RCOR1: variants seen among roughly 807,000 people sequenced by gnomAD.
RCOR1 encodes REST corepressor 1.
Under a neutral mutation model 64.0 loss-of-function variants are expected in RCOR1, and 12 were observed. The observed-to-expected ratio is 0.19, with a 90% CI of 0.12 to 0.30. RCOR1 has a LOEUF of 0.30. RCOR1 is among the 10% of genes least tolerant of loss of function. RCOR1 has a pLI of 1.00. For synonymous variants in RCOR1, 279 were observed against 227.2 expected, an observed-to-expected ratio of 1.23 and a Z score of -2.05; for missense variants, 502 against 621.2, an observed-to-expected ratio of 0.81 and a Z score of 2.04.
chr14:102,658,558 C>T, intron 2 of RCOR1: 5 of 985,370 alleles, frequency 5.1e-6, no homozygotes, highest in Non-Finnish European at 6.0e-6. Flanking sequence ...TGACTCTTTT[C>T]TCAGGAACAG....
In RCOR1 at chr14:102,599,802, TGTTTTG is replaced by T. The variant is rs1595188479; in HGVS notation, c.361+6478_361+6483del. 2.8e-5 allele frequency among the ~76,000 whole-genome samples: 3 copies of T among 108,728 alleles called. No homozygotes were observed. In the South Asian group the frequency reaches 1.1e-3, roughly 39 times the overall value. 71.3% of individuals were successfully genotyped at this position (108,728 alleles called of 152,430 possible). On this transcript the variant is annotated intron_variant, in intron 2 of 11. Transcript: ENST00000262241. ...TGGTGAATGCTTTGTGGTTTTGTTT[TGTTTTG>T]TTTTTTTTTTTTGAAACAAGGTCTT... is the stretch of plus-strand genomic sequence containing the variant.
intron 6 of RCOR1, 92 bp downstream of exon 6, chr14:102,708,675 C>T (rs1181857779): frequency 4.2e-6 from 3 of 708,308 alleles, no homozygotes; most frequent in African/African-American, 1.8e-5. Flanking sequence ...CTGGTTTTCC[C>T]TCCGCGCCTT....
intron 2 of RCOR1, among the ~76,000 whole-genome samples, chr14:102,676,450 G>A (rs1390237814): frequency 3.0e-5 from 3 of 98,724 alleles, no homozygotes; most frequent in African/African-American, 4.6e-5. Context: ...GGACGGGGCG[G>A]CCGGCCGGGC....
chr14:102,662,395 G>A (rs551757473), intron 2 of RCOR1: 69 of 563,004 alleles, frequency 1.2e-4, no homozygotes, highest in African/African-American at 1.1e-3. Flanking sequence ...TCTGGTGCCT[G>A]TTGGCTTTAA....
chr14:102,606,509 T>TAA (rs1265778231), intron 2 of RCOR1, among the ~76,000 whole-genome samples: 1 of 152,172 alleles, frequency 6.6e-6, no homozygotes, highest in Non-Finnish European at 1.5e-5. Flanking sequence ...AGTAGGTGCT[T>TAA]AACTAGTTTT....
chr14:102,692,440 A>AACACACACACACACACACACAC (rs10622844), intron 3 of RCOR1, among the ~76,000 whole-genome samples: 3 of 146,244 alleles, frequency 2.1e-5, no homozygotes, highest in Admixed American at 6.9e-5. Flanking sequence ...GGAAAAAGTT[A>AACACACACACACACACACACAC]ACACACACAC....
chr14:102,708,480 A>G lies in RCOR1; in HGVS notation c.676A>G (p.Ile226Val), dbSNP rs886637077. ...RIQQMLPDKS[I>V]ASLVKFYYSW... is the part of the protein sequence containing the mutation. ...TTATGTTTAGCTTCCAGATAAATCT[A>G]TAGCAAGTCTGGTGAAATTTTACTA... Residue 226 changes from isoleucine (I) to valine (V), a missense_variant, in exon 6 of 12, where the codon ATA becomes GTA. Physicochemically the swap from Ile to Val is conservative, Grantham distance 29 (BLOSUM62 3). This residue lies in a region of RCOR1 where 260 missense variants were observed against 416.4 expected (regional missense o/e 0.62). Coordinates refer to ENST00000262241, the MANE Select transcript of RCOR1 (RefSeq NM_015156.4). 3 of 1,551,702 alleles carry G rather than the reference A, an allele frequency of 1.9e-6. No individual in the cohort carries two copies. The highest frequency in any genetic ancestry group is 1.4e-5 in the African/African-American group (1 of 73,664).
chr14:102,632,564 T>C (rs1013715179), intron 2 of RCOR1, among the ~76,000 whole-genome samples: 6 of 151,932 alleles, frequency 3.9e-5, no homozygotes, highest in South Asian at 2.1e-4. Context: ...TTTTCTTTTT[T>C]CCCCCCTGCA....
intron 3 of RCOR1, among the ~76,000 whole-genome samples, chr14:102,692,768 CTTTTT>C (rs538053987): frequency 8.9e-6 from 1 of 111,928 alleles, no homozygotes; most frequent in South Asian, 2.8e-4. Context: ...TTTTCTTTTT[CTTTTT>C]TTTTTTTTTT....
rs764743797 is a variant in RCOR1 at position 102,701,289 on chromosome 14, A to G, written c.457A>G (p.Ile153Val). The G allele has an allele frequency of 6.2e-6, 10 of 1,612,794 alleles. No homozygotes were observed. Among genetic ancestry groups the G allele is most frequent in the African/African-American group, 1.3e-5 (1 of 74,862 alleles). ...NLSEAKLDEY[I>V]AIAKEKHGYN... ...TTCTTGTTTTTCAGTGGATGAATAC[A>G]TTGCCATTGCCAAAGAAAAGCATGG... Residue 153 changes from isoleucine to valine, a missense_variant, in exon 4 of 12, where the codon ATT (isoleucine) becomes GTT (valine). Transcript: ENST00000262241.
At position 102,684,467 on chromosome 14, in the gene RCOR1, A is replaced by G. The variant is rs139004793; in HGVS notation, c.445+2489A>G. 1.2e-4 allele frequency among the ~76,000 whole-genome samples: 19 copies of G among 152,296 alleles called. 1 individual carries two copies. The East Asian group carries it at 3.7e-3, about 29-fold the overall frequency. ...CTTTCCATTTATTAACCGAGTAAAC[A>G]CGGAGCACTGAGAGTGAACAAAGTC... On this transcript the variant is annotated intron_variant, in intron 3 of 11. Transcript: ENST00000262241.
chr14:102,609,577 T>G (rs1415320053), intron 2 of RCOR1, among the ~76,000 whole-genome samples: 1 of 151,926 alleles, frequency 6.6e-6, no homozygotes, highest in Non-Finnish European at 1.5e-5. Context: ...GAAGATGGGA[T>G]TGTAAGCATG....
intron 2 of RCOR1, 46 bp from the exon 3 acceptor site, chr14:102,681,849 T>C: frequency 7.5e-7 from 1 of 1,337,308 alleles, no homozygotes; most frequent in Non-Finnish European, 1.1e-6. Context: ...TAGCTTATTA[T>C]ATGTGTTAAA....
At chr14:102,726,334 A>G (rs1253570089) in intron 11 of RCOR1, 134 bp from the exon 12 acceptor site, 2 of 783,162 alleles carry the variant, frequency 2.6e-6, no homozygotes, top group Non-Finnish European at 4.0e-6. Flanking sequence ...CCCCTCCAAA[A>G]AAAAAAAAAA....
Position 102,676,605 on chromosome 14 carries a change from C to T in RCOR1, c.362-5290C>T, listed in dbSNP as rs1204919411. ...CCGGGCAGAGGCGCCCCTCACCTCC[C>T]GGACGGGGCGGCTGGCCAGGTGGGG... On this transcript the variant is annotated intron_variant, in intron 2 of 11. Transcript: ENST00000262241. Among the ~76,000 whole-genome samples, 41 of 88,470 alleles carry T rather than the reference C, an allele frequency of 4.6e-4. No individual in the cohort carries two copies. In the South Asian group the frequency reaches 0.01, roughly 22 times the overall value. The allele number at this position is 88,470 out of a possible 152,430, so 58.0% of individuals were successfully genotyped here. A position where few individuals can be genotyped will look rare whatever the true frequency, so the allele number is the denominator to read the frequency against.
At chr14:102,626,716 C>T (rs1159514839) in intron 2 of RCOR1, among the ~76,000 whole-genome samples, 2 of 152,178 alleles carry the variant, frequency 1.3e-5, no homozygotes, top group East Asian at 1.9e-4. Flanking sequence ...CCTGTTAACA[C>T]TGGGGAGGTA....
intron 2 of RCOR1, among the ~76,000 whole-genome samples, chr14:102,599,110 T>A: frequency 6.6e-6 from 1 of 152,102 alleles, no homozygotes; most frequent in East Asian, 1.9e-4. Context: ...TATTTTGAAA[T>A]GAATAATGTT....
chr14:102,651,346 A>G (rs1894585454), intron 2 of RCOR1, among the ~76,000 whole-genome samples: 1 of 152,042 alleles, frequency 6.6e-6, no homozygotes, highest in Admixed American at 6.6e-5. Flanking sequence ...TGAGGTCAGG[A>G]GGTTGAGATG....
At chr14:102,598,850 G>T (rs1893323311) in intron 2 of RCOR1, among the ~76,000 whole-genome samples, 1 of 151,518 alleles carries the variant, frequency 6.6e-6, no homozygotes, top group Non-Finnish European at 1.5e-5. Flanking sequence ...GAAATAAAAA[G>T]TTTTACCAAC....
Sources: allele counts gnomAD v4.1 joint callset (sites outside exome capture counted in the v4.1 genomes callset), GRCh38; gene constraint gnomAD v4.1.1; regional missense constraint gnomAD v4.1.1; transcripts MANE v1.5; gene names NCBI Gene and HGNC (gene_info 2026-07-23, HGNC 2026-07-21).